CAMKMT: variants seen among roughly 807,000 people sequenced by gnomAD.
CAMKMT encodes calmodulin-lysine N-methyltransferase.
CAMKMT carries 53 observed loss-of-function variants against 48.0 expected under a neutral mutation model. The ratio of observed to expected loss-of-function variants is 1.10; its 90% CI spans 0.89 to 1.39. The LOEUF (loss-of-function observed/expected upper bound fraction) is 1.39, where lower values mean the gene tolerates loss of function less well. CAMKMT is among the 40% of genes most tolerant of loss of function. CAMKMT has a pLI of 0.00. For synonymous variants in CAMKMT, 165 were observed against 152.3 expected, an observed-to-expected ratio of 1.08 and a Z score of -0.61; for missense variants, 428 against 402.7, an observed-to-expected ratio of 1.06 and a Z score of -0.54.
rs1015578206 is a variant in CAMKMT at position 44,618,531 on chromosome 2, T to C, written c.377-85752T>C. On this transcript the variant is annotated intron_variant, in intron 3 of 10. Coordinates refer to ENST00000378494, the MANE Select transcript of CAMKMT (RefSeq NM_024766.5). This position sits in a 1 kb window ranked among gnomAD's most constrained non-coding sequence, Gnocchi z 4.0. Reference sequence around the variant, plus strand: ...GACATTGATGATGACACGTTGAGCATTGGTTGGTTTTAAGACAAGTTAAAT... The same window carrying C: ...GACATTGATGATGACACGTTGAGCACTGGTTGGTTTTAAGACAAGTTAAAT... Among the ~76,000 whole-genome samples the C allele has an allele frequency of 1.3e-5, 2 of 152,226 alleles. No homozygotes were observed. The highest frequency in any genetic ancestry group is 2.9e-5 in the Non-Finnish European group (2 of 68,038).
intron 3 of CAMKMT, among the ~76,000 whole-genome samples, chr2:44,592,811 T>C (rs370306134): frequency 2.2e-5 from 2 of 91,882 alleles, no homozygotes; most frequent in African/African-American, 7.2e-5. Context: ...CTTAAATCTT[T>C]TTAAGTGTAT....
chr2:44,429,463 A>C (rs751090394), intron 3 of CAMKMT, among the ~76,000 whole-genome samples: 1 of 152,114 alleles, frequency 6.6e-6, no homozygotes, highest in Non-Finnish European at 1.5e-5. Flanking sequence ...ATGTTATCAT[A>C]CTTACTTCAA....
At chr2:44,416,399 A>T (rs928726882) in intron 3 of CAMKMT, among the ~76,000 whole-genome samples, 1 of 152,240 alleles carries the variant, frequency 6.6e-6, no homozygotes, top group Non-Finnish European at 1.5e-5. Context: ...GAACATTTCT[A>T]TCACCCCAGA....
intron 3 of CAMKMT, among the ~76,000 whole-genome samples, chr2:44,485,144 A>G (rs1256696286): frequency 6.6e-6 from 1 of 152,212 alleles, no homozygotes; most frequent in African/African-American, 2.4e-5. Context: ...ACTGCTTGAC[A>G]GTGTCTGTTA....
At chr2:44,717,199 A>G (rs1358336616) in intron 7 of CAMKMT, among the ~76,000 whole-genome samples, 1 of 152,202 alleles carries the variant, frequency 6.6e-6, no homozygotes, top group African/African-American at 2.4e-5. Flanking sequence ...TATAGACTAT[A>G]TGTCAATAAT....
chr2:44,446,793 C>G (rs1667026536), intron 3 of CAMKMT, among the ~76,000 whole-genome samples: 1 of 152,224 alleles, frequency 6.6e-6, no homozygotes, highest in South Asian at 2.1e-4. Context: ...TGAGGCCTTT[C>G]ATCATCACAG....
chr2:44,375,161 C>T (rs1478116907), intron 2 of CAMKMT, among the ~76,000 whole-genome samples: 1 of 150,918 alleles, frequency 6.6e-6, no homozygotes, highest in Non-Finnish European at 1.5e-5. Flanking sequence ...CATGCCTGGC[C>T]AGGGTTTCTG....
rs549212831 is a variant in CAMKMT, at chr2:44,629,060, A to G, written c.377-75223A>G. Among the ~76,000 whole-genome samples the G allele has an allele frequency of 2.0e-5, 3 of 152,302 alleles. No homozygotes were observed. In the South Asian group the frequency reaches 6.2e-4, roughly 32 times the overall value. ...GTTAATAGTGTTATTGTCATATTCT[A>G]CATCCTTACTCATTTTATGTCTACT... On this transcript the variant is annotated intron_variant, in intron 3 of 10. Coordinates refer to ENST00000378494, the MANE Select transcript of CAMKMT (RefSeq NM_024766.5).
rs192616672 is a variant in CAMKMT at position 44,741,901 on chromosome 2, C to T, written c.624-1721C>T. Reference sequence around the variant, plus strand: ...GTCTGTTCTTGTGCTTTAGTAATTGCATATGTATTAAAAGCAAATTCTAAA... The same window carrying T: ...GTCTGTTCTTGTGCTTTAGTAATTGTATATGTATTAAAAGCAAATTCTAAA... On this transcript the variant is annotated intron_variant, in intron 7 of 10. Transcript: ENST00000378494. Among the ~76,000 whole-genome samples the T allele has an allele frequency of 7.2e-5, 11 of 152,230 alleles. No individual in the cohort carries two copies. In the South Asian group the frequency reaches 1.7e-3, roughly 23 times the overall value.
rs138619226 is a variant in CAMKMT at position 44,563,247 on chromosome 2, T to A, written c.377-141036T>A. Reference sequence around the variant, plus strand: ...ATAGGTGTATATACAAATTTTTGTTTCTTTCTTAAAAAAAGGATTATACTA... The same window carrying A: ...ATAGGTGTATATACAAATTTTTGTTACTTTCTTAAAAAAAGGATTATACTA... On this transcript the variant is annotated intron_variant, in intron 3 of 10. Coordinates refer to ENST00000378494, the MANE Select transcript of CAMKMT (RefSeq NM_024766.5). Among the ~76,000 whole-genome samples, 3 of 151,840 alleles carry A rather than the reference T, an allele frequency of 2.0e-5. No individual in the cohort carries two copies. The East Asian group carries it at 5.8e-4, about 29-fold the overall frequency.
At chr2:44,489,044 T>A (rs748073322) in intron 3 of CAMKMT, among the ~76,000 whole-genome samples, 11 of 151,872 alleles carry the variant, frequency 7.2e-5, no homozygotes, top group Non-Finnish European at 1.6e-4. Flanking sequence ...TTTTAAACAT[T>A]GTTTTAGAAA....
Position 44,689,379 on chromosome 2 carries a change from A to T in CAMKMT, c.377-14904A>T, listed in dbSNP as rs112601204. Among the ~76,000 whole-genome samples, 654 of 150,736 alleles carry T rather than the reference A, an allele frequency of 4.3e-3. 8 individuals carry two copies. Among genetic ancestry groups the T allele is most frequent in the African/African-American group, 0.015 (615 of 40,944 alleles). On this transcript the variant is annotated intron_variant, in intron 3 of 10. Transcript: ENST00000378494. ...AGTGGCATGATCTTGGCTCACTGCA[A>T]CCTCCGCCTCCCCGGTTCAAGTGAT...
At chr2:44,666,535 G>A (rs1269896468) in intron 3 of CAMKMT, among the ~76,000 whole-genome samples, 2 of 151,750 alleles carry the variant, frequency 1.3e-5, no homozygotes, top group African/African-American at 4.8e-5. Context: ...GGAAGGAGAA[G>A]CCACCACGTT....
chr2:44,618,314 G>A lies in CAMKMT; in HGVS notation c.377-85969G>A, dbSNP rs1432420734. Among the ~76,000 whole-genome samples the A allele has an allele frequency of 1.3e-5, 2 of 152,182 alleles. No individual in the cohort carries two copies. The highest frequency in any genetic ancestry group is 2.4e-5 in the African/African-American group (1 of 41,452). ...TGCACTGCCATCAGAGTCATTTTAC[G>A]ACAGCCAGGGAGCAAAGCTCAGAGA... On this transcript the variant is annotated intron_variant, in intron 3 of 10. Coordinates refer to ENST00000378494, the MANE Select transcript of CAMKMT (RefSeq NM_024766.5). This position sits in a 1 kb window ranked among gnomAD's most constrained non-coding sequence, Gnocchi z 4.0.
At chr2:44,542,069 C>T (rs543602755) in intron 3 of CAMKMT, among the ~76,000 whole-genome samples, 1 of 145,552 alleles carries the variant, frequency 6.9e-6, no homozygotes, top group Admixed American at 7.1e-5. Flanking sequence ...GCGGAGGTTG[C>T]GGTGAGCCGA....
At chr2:44,402,779 C>G (rs1315672191) in intron 3 of CAMKMT, among the ~76,000 whole-genome samples, 1 of 91,348 alleles carries the variant, frequency 1.1e-5, no homozygotes, top group African/African-American at 4.0e-5. Context: ...TTACTTTTAA[C>G]CTTTCTGTTG....
intron 3 of CAMKMT, among the ~76,000 whole-genome samples, chr2:44,571,913 G>A (rs1668927949): frequency 2.0e-5 from 3 of 152,082 alleles, no homozygotes; most frequent in South Asian, 2.1e-4. Flanking sequence ...TAACAAATTC[G>A]AACACTGACA....
chr2:44,743,590 T>A, intron 7 of CAMKMT, 32 bp from the exon 8 acceptor site: 1 of 1,494,404 alleles, frequency 6.7e-7, no homozygotes, highest in Non-Finnish European at 9.2e-7. Flanking sequence ...AAAAACCCTA[T>A]GTATAATTTT....
At chr2:44,467,549 AAC>A (rs1491254784) in intron 3 of CAMKMT, among the ~76,000 whole-genome samples, 1 of 151,200 alleles carries the variant, frequency 6.6e-6, no homozygotes, top group African/African-American at 2.4e-5. Flanking sequence ...CAGAAAAAAA[AAC>A]AAAAAAAAAC....
Sources: allele counts gnomAD v4.1 joint callset (sites outside exome capture counted in the v4.1 genomes callset), GRCh38; gene constraint gnomAD v4.1.1; non-coding constraint Gnocchi (gnomAD v3.1); transcripts MANE v1.5; gene names NCBI Gene and HGNC (gene_info 2026-07-23, HGNC 2026-07-21).